MON2: variants seen among roughly 807,000 people sequenced by gnomAD.
MON2 encodes the protein protein MON2 homolog.
Under a neutral mutation model 208.6 loss-of-function variants are expected in MON2, and 84 were observed. The ratio of observed to expected loss-of-function variants is 0.40; its 90% confidence interval spans 0.34 to 0.48. The LOEUF is 0.48. Ranked by LOEUF, MON2 falls within the 20% of genes least tolerant of loss-of-function variation. The probability of loss-of-function intolerance (pLI) is 0.59; values close to 1 mark genes in which losing one functional copy is unlikely to be tolerated. For synonymous variants in MON2, 660 were observed against 694.0 expected (o/e 0.95, Z 0.77); for missense variants, 1,611 against 2,015.4 (o/e 0.80, Z 3.84).
At chr12:62,513,198 G>A (rs1002920836) in intron 8 of MON2, among the ~76,000 whole-genome samples, 2 of 152,274 alleles carry the variant, frequency 1.3e-5, no homozygotes, top group African/African-American at 4.8e-5. Context: ...CAGCCAGCTT[G>A]AAATTCTCCT....
chr12:62,513,726 C>T (rs1329811434), intron 8 of MON2, among the ~76,000 whole-genome samples: 1 of 122,972 alleles, frequency 8.1e-6, no homozygotes, highest in Non-Finnish European at 1.9e-5. Context: ...GCAGGCGGGT[C>T]ATGAGGTCAG....
rs2072552092 is a variant in MON2, at chr12:62,530,122, C to G, written c.1401-2316C>G. On this transcript the variant is annotated intron_variant, in intron 11 of 34. Coordinates refer to ENST00000393630, the MANE Select transcript of MON2 (RefSeq NM_015026.3). ...TAACTGTATTTTTGTACCTATTAATCAACCTCTCTTTACCCCCAAACCTCC... is the reference window on the plus strand; with the variant it reads ...TAACTGTATTTTTGTACCTATTAATGAACCTCTCTTTACCCCCAAACCTCC... Among the ~76,000 whole-genome samples, 7 of 152,004 alleles carry G rather than the reference C, an allele frequency of 4.6e-5. No individual in the cohort carries two copies. The South Asian group carries it at 1.5e-3, about 32-fold the overall frequency.
At position 62,578,448 on chromosome 12, in the gene MON2, A is replaced by T; in HGVS notation, c.4518A>T (p.Ile1506=). 7.0e-7 allele frequency: 1 copy of T among 1,419,470 alleles called. No individual in the cohort carries two copies. Among genetic ancestry groups the T allele is most frequent in the Admixed American group, 2.2e-5 (1 of 45,046 alleles). 87.9% of individuals were successfully genotyped at this position (1,419,470 alleles called of 1,614,324 possible). A position where few individuals can be genotyped will look rare whatever the true frequency, so the allele number is the denominator to read the frequency against. ...ATCAAGTGTTTTTTTTTTTTAGCAT[A>T]CCTCCAGATAATCTCTCTATTCAAG... ...TFEDFLFTKS[I]PPDNLSIQEF... is the part of the protein sequence containing the mutation. The change falls in exon 31 of 35, where the codon ATA becomes ATT. Residue 1506 remains isoleucine, a synonymous_variant. Coordinates refer to ENST00000393630, the MANE Select transcript of MON2 (RefSeq NM_015026.3).
chr12:62,526,062 A>C lies in MON2; in HGVS notation c.1360A>C (p.Ile454Leu), dbSNP rs565880202. Residue 454 changes from isoleucine to leucine, a missense_variant, in exon 11 of 35, where the codon ATT becomes CTT. By Grantham distance (5) the Ile-to-Leu change is conservative. Coordinates refer to ENST00000393630, the MANE Select transcript of MON2 (RefSeq NM_015026.3). Reference protein sequence around the residue: ...AFEYRGTWIPILTITVQGSAK... With the variant: ...AFEYRGTWIPLLTITVQGSAK... ...TGAATATAGGGGAACCTGGATACCT[A>C]TTCTGACAATCACAGTTCAAGGCAG... is the stretch of plus-strand genomic sequence containing the variant. The C allele has an allele frequency of 6.2e-7, 1 of 1,613,940 alleles. No individual in the cohort carries two copies. Among genetic ancestry groups the C allele is most frequent in the African/African-American group, 1.3e-5 (1 of 75,020 alleles).
At chr12:62,556,342 G>A (rs2136323791) in intron 25 of MON2, 150 bp downstream of exon 25, 2 of 784,124 alleles carry the variant, frequency 2.6e-6, no homozygotes, top group Non-Finnish European at 4.1e-6. Flanking sequence ...TGTACCTACT[G>A]TGGGCTAGCC....
Position 62,580,299 on chromosome 12 carries a change from A to T in MON2, c.4578A>T (p.Val1526=). ...FQRNENIDVE[V]VQLISNEILP... is the part of the protein sequence containing the mutation. ...TGCATTTGCCTCTTTTGTTTTAGGT[A>T]GTTCAACTTATCAGCAATGAGATAC... Residue 1526 remains valine (V), a splice_region_variant and synonymous_variant, in exon 32 of 35, where the codon GTA becomes GTT. Transcript: ENST00000393630. 3 of 1,609,746 alleles carry T rather than the reference A, an allele frequency of 1.9e-6. No individual in the cohort carries two copies. Among genetic ancestry groups the T allele is most frequent in the Non-Finnish European group, 2.5e-6 (3 of 1,177,778 alleles).
chr12:62,556,281 A>T, intron 25 of MON2, 89 bp downstream of exon 25: 1 of 1,244,030 alleles, frequency 8.0e-7, no homozygotes, highest in South Asian at 1.3e-5. Flanking sequence ...GTCTATCTTA[A>T]CTTAGTCTTT....
intron 11 of MON2, 95 bp from the exon 12 acceptor site, chr12:62,532,343 C>T (rs994578458): frequency 4.3e-6 from 4 of 926,098 alleles, no homozygotes; most frequent in Non-Finnish European, 4.9e-6. Flanking sequence ...TTCTGTTAAT[C>T]TTAATTTCTA....
At chr12:62,471,769 T>C (rs368336626) in intron 1 of MON2, among the ~76,000 whole-genome samples, 1 of 152,010 alleles carries the variant, frequency 6.6e-6, no homozygotes, top group Non-Finnish European at 1.5e-5. Context: ...AAGGTAAAAC[T>C]CGTTAGAGGA....
chr12:62,571,909 C>T (rs1297462645), intron 30 of MON2, among the ~76,000 whole-genome samples: 1 of 152,106 alleles, frequency 6.6e-6, no homozygotes, highest in Non-Finnish European at 1.5e-5. Flanking sequence ...AAGAGAAAAA[C>T]AATGTTAGAA....
At chr12:62,580,207 A>G in intron 31 of MON2, 90 bp from the exon 32 acceptor site, 1 of 1,291,396 alleles carries the variant, frequency 7.7e-7, no homozygotes, top group Non-Finnish European at 1.1e-6. Context: ...ACTGATTTTC[A>G]TTTAAAGTAA....
At chr12:62,501,007 G>C in intron 6 of MON2, 127 bp downstream of exon 6, 1 of 513,828 alleles carries the variant, frequency 1.9e-6, no homozygotes, top group Non-Finnish European at 3.4e-6. Flanking sequence ...GTAGTATTAA[G>C]ATAGTTCTAA....
At chr12:62,471,708 C>A (rs2068798284) in intron 1 of MON2, among the ~76,000 whole-genome samples, 2 of 152,022 alleles carry the variant, frequency 1.3e-5, no homozygotes, top group South Asian at 4.2e-4. Context: ...TGGGAAACAA[C>A]ATTAAAGAAA....
At chr12:62,544,329 C>G (rs1338108762) in intron 20 of MON2, among the ~76,000 whole-genome samples, 3 of 152,042 alleles carry the variant, frequency 2.0e-5, no homozygotes, top group Non-Finnish European at 4.4e-5. Context: ...GCTTGTGGTT[C>G]TAACTACTTG....
intron 8 of MON2, among the ~76,000 whole-genome samples, chr12:62,520,200 A>T (rs2071945579): frequency 6.6e-6 from 1 of 152,200 alleles, no homozygotes; most frequent in South Asian, 2.1e-4. Context: ...TTTCAAATGG[A>T]TCTTTTAGTC....
intron 30 of MON2, among the ~76,000 whole-genome samples, chr12:62,573,870 G>A (rs193159849): frequency 6.6e-6 from 1 of 152,138 alleles, no homozygotes; most frequent in Non-Finnish European, 1.5e-5. Flanking sequence ...CAATGCAGTT[G>A]TAGTATAATT....
At chr12:62,522,364 G>A (rs4763023) in intron 8 of MON2, among the ~76,000 whole-genome samples, 1 of 151,936 alleles carries the variant, frequency 6.6e-6, no homozygotes, top group Admixed American at 6.6e-5. Context: ...TTGTTAACTC[G>A]GACAAGCTCC....
At chr12:62,549,267 T>C (rs1434626118) in intron 22 of MON2, among the ~76,000 whole-genome samples, 4 of 152,158 alleles carry the variant, frequency 2.6e-5, no homozygotes, top group Non-Finnish European at 5.9e-5. Context: ...GTTTAAATTC[T>C]GAAATAAAAT....
intron 11 of MON2, among the ~76,000 whole-genome samples, chr12:62,530,818 T>G (rs1358948092): frequency 6.6e-6 from 1 of 152,184 alleles, no homozygotes; most frequent in African/African-American, 2.4e-5. Context: ...GCCAAACTCT[T>G]TTCCCAAGCA....
Sources: allele counts gnomAD v4.1 joint callset (sites outside exome capture counted in the v4.1 genomes callset), GRCh38; gene constraint gnomAD v4.1.1; transcripts MANE v1.5; gene names NCBI Gene and HGNC (gene_info 2026-07-23, HGNC 2026-07-21).